The following HIVEP3 variants were observed in gnomAD, a reference collection of about 807,000 sequenced individuals.
The protein encoded by HIVEP3 is transcription factor HIVEP3.
Under a neutral mutation model 152.8 loss-of-function variants are expected in HIVEP3, and 49 were observed. That is an observed-to-expected ratio of 0.32 (90% CI 0.26 to 0.41). The LOEUF (loss-of-function observed/expected upper bound fraction) is 0.41, where lower values mean the gene tolerates loss of function less well. Among genes scored for constraint, HIVEP3 ranks in the 10% least tolerant of loss-of-function variants. HIVEP3 has a pLI of 1.00. For missense variants in HIVEP3, 2,790 were observed against 3,103.3 expected (o/e 0.90, Z 2.40); for synonymous variants, 1,269 against 1,289.0 (o/e 0.98, Z 0.33).
At chr1:41,917,510 G>A (rs905264494) in intron 1 of HIVEP3, among the ~76,000 whole-genome samples, 2 of 152,088 alleles carry the variant, frequency 1.3e-5, no homozygotes, top group Non-Finnish European at 2.9e-5. Flanking sequence ...TTCAAGGAAG[G>A]GCCTAGCCAC....
At chr1:41,992,524 C>T (rs1645368664) in intron 1 of HIVEP3, among the ~76,000 whole-genome samples, 1 of 147,760 alleles carries the variant, frequency 6.8e-6, no homozygotes, top group Non-Finnish European at 1.5e-5. Flanking sequence ...GAAGAACATT[C>T]CATGCTCATG....
intron 3 of HIVEP3, among the ~76,000 whole-genome samples, chr1:41,617,855 T>C (rs767293781): frequency 1.3e-5 from 2 of 150,188 alleles, no homozygotes; most frequent in Non-Finnish European, 3.0e-5. Context: ...CCAATGGCTT[T>C]GGAACTGGAC....
In HIVEP3 at chr1:41,857,477, A is replaced by G. The variant is rs570663821; in HGVS notation, c.-801+60936T>C. 2.0e-5 allele frequency among the ~76,000 whole-genome samples: 3 copies of G among 152,094 alleles called. No individual in the cohort carries two copies. The South Asian group carries it at 6.2e-4, about 32-fold the overall frequency. ...AGTGATTTAAAGAAGAATGTATTTC[A>G]AGTACAACTCAGTTTAACCAAGTAT... On this transcript the variant is annotated intron_variant, in intron 1 of 8. Transcript: ENST00000372583.
chr1:41,822,999 A>T (rs987706481), intron 1 of HIVEP3, among the ~76,000 whole-genome samples: 9 of 152,248 alleles, frequency 5.9e-5, no homozygotes, highest in Non-Finnish European at 1.0e-4. Context: ...ATGTGACTTT[A>T]TCTAGAGAAA....
chr1:41,788,806 G>A (rs1430924071), intron 1 of HIVEP3, among the ~76,000 whole-genome samples: 1 of 152,220 alleles, frequency 6.6e-6, no homozygotes. Context: ...TGGAAAGGAG[G>A]GGTCATGTCA....
intron 1 of HIVEP3, among the ~76,000 whole-genome samples, chr1:41,799,620 A>G (rs1650185691): frequency 6.6e-6 from 1 of 152,130 alleles, no homozygotes; most frequent in African/African-American, 2.4e-5. Context: ...TTCAGCTCCT[A>G]TCAATCCCAT....
intron 2 of HIVEP3, among the ~76,000 whole-genome samples, chr1:41,684,837 T>A (rs1008472982): frequency 2.0e-5 from 3 of 152,226 alleles, no homozygotes; most frequent in African/African-American, 7.2e-5. Context: ...ACCTGCCAGG[T>A]GGATACCATT....
intron 1 of HIVEP3, among the ~76,000 whole-genome samples, chr1:41,743,684 A>T (rs1433530439): frequency 6.6e-6 from 1 of 152,106 alleles, no homozygotes; most frequent in Non-Finnish European, 1.5e-5. Flanking sequence ...GACTCATAAA[A>T]GCTTCTCTCT....
chr1:41,616,690 T>C (rs1644973558), intron 3 of HIVEP3, among the ~76,000 whole-genome samples: 1 of 137,594 alleles, frequency 7.3e-6, no homozygotes, highest in African/African-American at 2.7e-5. Context: ...TGGCCTCAAA[T>C]GATCCTCCCG....
chr1:41,706,753 G>A (rs1171337019), intron 1 of HIVEP3, among the ~76,000 whole-genome samples: 1 of 152,200 alleles, frequency 6.6e-6, no homozygotes, highest in African/African-American at 2.4e-5. Context: ...TTAGTCACCA[G>A]GGTCTTTGTT....
intron 1 of HIVEP3, among the ~76,000 whole-genome samples, chr1:41,760,448 C>T (rs1169525500): frequency 6.6e-6 from 1 of 152,162 alleles, no homozygotes; most frequent in East Asian, 1.9e-4. Context: ...AGGTCAATGC[C>T]CAGCCTGACC....
chr1:41,566,331 C>T (rs1006791727), intron 5 of HIVEP3, among the ~76,000 whole-genome samples: 2 of 152,210 alleles, frequency 1.3e-5, no homozygotes, highest in Non-Finnish European at 2.9e-5. Context: ...AGCATCCTCT[C>T]TTCCTCCTAT....
chr1:41,519,984 A>C (rs977034734), intron 6 of HIVEP3, among the ~76,000 whole-genome samples: 7 of 152,176 alleles, frequency 4.6e-5, no homozygotes, highest in Non-Finnish European at 2.9e-5. Context: ...TATTACATGC[A>C]TGAGAGTACA....
intron 1 of HIVEP3, among the ~76,000 whole-genome samples, chr1:41,739,907 T>C (rs1371823485): frequency 6.6e-6 from 1 of 152,156 alleles, no homozygotes; most frequent in African/African-American, 2.4e-5. Context: ...CATGACAGCA[T>C]CTCAGCATTT....
intron 6 of HIVEP3, among the ~76,000 whole-genome samples, chr1:41,519,946 G>C (rs1642714311): frequency 6.6e-6 from 1 of 152,160 alleles, no homozygotes; most frequent in African/African-American, 2.4e-5. Context: ...AAGAATGGCT[G>C]GTTGGATGGA....
chr1:41,592,585 G>T (rs185034867), intron 3 of HIVEP3, among the ~76,000 whole-genome samples: 14 of 152,230 alleles, frequency 9.2e-5, no homozygotes, highest in East Asian at 7.7e-4. Flanking sequence ...AACCCTCCCC[G>T]TGGGACTGAC....
At chr1:41,564,195 C>T (rs1644127210) in intron 5 of HIVEP3, among the ~76,000 whole-genome samples, 1 of 97,130 alleles carries the variant, frequency 1.0e-5, no homozygotes, top group African/African-American at 3.1e-5. Context: ...CCATCTCAAA[C>T]AACAACAACA....
At chr1:41,567,790 A>G (rs142425801) in intron 5 of HIVEP3, among the ~76,000 whole-genome samples, 61 of 152,370 alleles carry the variant, frequency 4.0e-4, no homozygotes, top group African/African-American at 1.4e-3. Context: ...TCTGCAAGGA[A>G]GAGTCCTTGG....
chr1:41,922,817 GAAGGAAGGAAGGA>G (rs1444899927), upstream of HIVEP3, among the ~76,000 whole-genome samples: 2 of 151,728 alleles, frequency 1.3e-5, no homozygotes, highest in East Asian at 3.9e-4. Flanking sequence ...GGGAGGGAAG[GAAGGAAGGAAGGA>G]AAGGAAGGAA....
Sources: gnomAD v4.1 joint callset for allele counts (sites outside exome capture counted in the v4.1 genomes callset) on GRCh38, gnomAD v4.1.1 for gene constraint, MANE v1.5 for transcripts, NCBI Gene and HGNC (gene_info 2026-07-23, HGNC 2026-07-21) for gene names.